SEPTIN10: variants seen among roughly 807,000 people sequenced by gnomAD.
SEPTIN10 encodes the protein septin 10, also known as septin-10.
In SEPTIN10, 66 loss-of-function variants were observed where a neutral mutation model predicts 54.8. The observed-to-expected ratio is 1.21, with a 90% CI of 0.99 to 1.48. SEPTIN10 has a LOEUF of 1.48. Ranked by LOEUF, SEPTIN10 falls within the 40% of genes most tolerant of loss-of-function variation. SEPTIN10 has a pLI of 0.00. For missense variants in SEPTIN10, 620 were observed against 545.6 expected (o/e 1.14, Z -1.36); for synonymous variants, 161 against 181.0 (o/e 0.89, Z 0.89).
intron 8 of SEPTIN10, among the ~76,000 whole-genome samples, chr2:109,559,754 C>T (rs1374141664): frequency 1.3e-5 from 2 of 152,120 alleles, no homozygotes. Context: ...GACATTCTTT[C>T]CCTGGACTAT....
Position 109,593,018 on chromosome 2 carries a change from A to G in SEPTIN10, c.99+33T>C, listed in dbSNP as rs749674579. 3 of 1,424,782 alleles carry G rather than the reference A, an allele frequency of 2.1e-6. No homozygotes were observed. In the South Asian group the frequency reaches 4.4e-5, roughly 21 times the overall value. The allele number at this position is 1,424,782 out of a possible 1,614,324, so 88.3% of individuals were successfully genotyped here. ...TTAAAATCATAGAAGCATTTAGAGT[A>G]CAATATGGTATCTATTTAAAAGACA... is the stretch of plus-strand genomic sequence containing the variant. On this transcript the variant is annotated intron_variant, in intron 2 of 10. Coordinates refer to ENST00000397712, the MANE Select transcript of SEPTIN10 (RefSeq NM_144710.5).
chr2:109,565,847 A>G lies in SEPTIN10; in HGVS notation c.775T>C (p.Phe259Leu), dbSNP rs199570779. 1.1e-4 allele frequency: 177 copies of G among 1,613,870 alleles called. No individual in the cohort carries two copies. Among genetic ancestry groups the G allele is most frequent in the Middle Eastern group, 4.9e-4 (3 of 6,080 alleles). The change falls in exon 7 of 11, where the codon TTT (phenylalanine) becomes CTT (leucine). Residue 259 changes from phenylalanine (F) to leucine (L), a missense_variant. Transcript: ENST00000397712. ...VNAAMNGQLP[F>L]AVVGSMDEVK... is the part of the protein sequence containing the mutation. ...TCATCCATACTTCCCACAACAGCAA[A>G]CGGCAACTGTCCCTGAAAAAGAATA...
At chr2:109,565,398 G>A (rs958555644) in intron 7 of SEPTIN10, among the ~76,000 whole-genome samples, 4 of 152,010 alleles carry the variant, frequency 2.6e-5, no homozygotes, top group Non-Finnish European at 4.4e-5. Flanking sequence ...GGAAATAGCC[G>A]GCAATACTTT....
chr2:109,562,215 A>T (rs905121368), intron 8 of SEPTIN10, among the ~76,000 whole-genome samples: 6 of 151,242 alleles, frequency 4.0e-5, no homozygotes, highest in South Asian at 2.1e-4. Flanking sequence ...TCTATCTCAA[A>T]AATAATAATA....
At chr2:109,564,612 A>AAAT in intron 7 of SEPTIN10, 78 bp from the exon 8 acceptor site, 1 of 1,228,428 alleles carries the variant, frequency 8.1e-7, no homozygotes. Flanking sequence ...CTGAATGAAC[A>AAAT]AATAAATGAA....
intron 1 of SEPTIN10, among the ~76,000 whole-genome samples, chr2:109,609,410 T>G (rs1265744286): frequency 6.6e-6 from 1 of 152,042 alleles, no homozygotes; most frequent in Non-Finnish European, 1.5e-5. Context: ...GTTTACTTGA[T>G]GCAAAAGGTT....
intron 2 of SEPTIN10, among the ~76,000 whole-genome samples, chr2:109,588,002 G>A (rs1287168001): frequency 6.6e-6 from 1 of 152,032 alleles, no homozygotes; most frequent in Non-Finnish European, 1.5e-5. Flanking sequence ...TGAGGTGGGA[G>A]GATCACTTAA....
chr2:109,577,466 G>A (rs1437168681), intron 4 of SEPTIN10, among the ~76,000 whole-genome samples: 1 of 151,794 alleles, frequency 6.6e-6, no homozygotes, highest in African/African-American at 2.4e-5. Context: ...GATGGCAGGT[G>A]CCTGTATCCC....
intron 1 of SEPTIN10, among the ~76,000 whole-genome samples, chr2:109,603,181 T>C (rs1414936782): frequency 1.3e-5 from 2 of 152,132 alleles, no homozygotes; most frequent in Non-Finnish European, 2.9e-5. Flanking sequence ...TATCAATGCT[T>C]ATTGTTTTTC....
rs763621366 is a variant in SEPTIN10 at position 109,543,594 on chromosome 2, T to C, written c.*715A>G. 2.6e-5 allele frequency: 4 copies of C among 152,202 alleles called. No individual in the cohort carries two copies. The highest frequency in any genetic ancestry group is 6.5e-5 in the Admixed American group (1 of 15,282). The allele number at this position is 152,202 out of a possible 1,614,324, so 9.4% of individuals were successfully genotyped here. ...CATATTCCCCAAAATTTTTAGCATA[T>C]ATAAAAAAGGTTCATCTTGGAATAT... On this transcript the variant is annotated 3_prime_UTR_variant, in exon 11 of 11. Transcript: ENST00000397712.
chr2:109,596,509 C>A (rs560340624), intron 1 of SEPTIN10, among the ~76,000 whole-genome samples: 2 of 151,312 alleles, frequency 1.3e-5, no homozygotes, highest in African/African-American at 4.9e-5. Context: ...CCCAGCTACT[C>A]GGGAGGCTGA....
At chr2:109,560,519 C>T (rs1407993560) in intron 8 of SEPTIN10, among the ~76,000 whole-genome samples, 2 of 152,310 alleles carry the variant, frequency 1.3e-5, no homozygotes, top group East Asian at 3.9e-4. Flanking sequence ...GCAGTCTTAT[C>T]CCTGGTCACA....
At chr2:109,576,710 T>C (rs1391067685) in intron 4 of SEPTIN10, among the ~76,000 whole-genome samples, 1 of 152,220 alleles carries the variant, frequency 6.6e-6, no homozygotes, top group Non-Finnish European at 1.5e-5. Flanking sequence ...CTGAATGTTT[T>C]GTCTTATGCT....
intron 4 of SEPTIN10, among the ~76,000 whole-genome samples, chr2:109,584,569 T>A (rs1470878269): frequency 1.3e-5 from 2 of 152,050 alleles, no homozygotes; most frequent in Admixed American, 6.6e-5. Context: ...CCTTTCATAG[T>A]TTAAATTTGA....
At position 109,581,501 on chromosome 2, in the gene SEPTIN10, T is replaced by C. The variant is rs567216195; in HGVS notation, c.413+3625A>G. Among the ~76,000 whole-genome samples, 292 of 151,572 alleles carry C rather than the reference T, an allele frequency of 1.9e-3. 1 individual carries two copies. The South Asian group carries it at 0.022, about 11-fold the overall frequency. On this transcript the variant is annotated intron_variant, in intron 4 of 10. Transcript: ENST00000397712. Reference sequence around the variant, plus strand: ...GTACAGTATATATTAATAAAGCTTATTTAAAAAGAACTAAAGAAAGGTCTG... The same window carrying C: ...GTACAGTATATATTAATAAAGCTTACTTAAAAAGAACTAAAGAAAGGTCTG...
intron 1 of SEPTIN10, among the ~76,000 whole-genome samples, chr2:109,599,204 C>T (rs1696009527): frequency 6.6e-6 from 1 of 151,922 alleles, no homozygotes; most frequent in African/African-American, 2.4e-5. Context: ...ACACCTGTAA[C>T]CCCAGCACTC....
At position 109,543,644 on chromosome 2, in the gene SEPTIN10, T is replaced by C. The variant is rs1423568098; in HGVS notation, c.*665A>G. ...TAAATGTAATCAGATAGCCACGATATTAATGGGTTCTGTATTTTCAGTGGC... is the reference window on the plus strand; with the variant it reads ...TAAATGTAATCAGATAGCCACGATACTAATGGGTTCTGTATTTTCAGTGGC... On this transcript the variant is annotated 3_prime_UTR_variant, in exon 11 of 11. Transcript: ENST00000397712. The C allele has an allele frequency of 6.6e-6, 1 of 152,340 alleles. No individual in the cohort carries two copies. Among genetic ancestry groups the C allele is most frequent in the Non-Finnish European group, 1.5e-5 (1 of 68,160 alleles). 9.4% of individuals were successfully genotyped at this position (152,340 alleles called of 1,614,324 possible). A position where few individuals can be genotyped will look rare whatever the true frequency, so the allele number is the denominator to read the frequency against.
At chr2:109,580,871 ACAGCGCCTGGC>A (rs1350679080) in intron 4 of SEPTIN10, among the ~76,000 whole-genome samples, 1 of 152,184 alleles carries the variant, frequency 6.6e-6, no homozygotes, top group Non-Finnish European at 1.5e-5. Flanking sequence ...CAAAGACAGC[ACAGCGCCTGGC>A]CATTCACTGA....
intron 1 of SEPTIN10, among the ~76,000 whole-genome samples, chr2:109,610,391 TC>T (rs1467337615): frequency 1.3e-5 from 2 of 151,692 alleles, no homozygotes; most frequent in Admixed American, 1.3e-4. Context: ...CCCAGCCACT[TC>T]CCTGAATTTT....
Sources: gnomAD v4.1 joint callset for allele counts (sites outside exome capture counted in the v4.1 genomes callset) on GRCh38, gnomAD v4.1.1 for gene constraint, MANE v1.5 for transcripts, NCBI Gene and HGNC (gene_info 2026-07-23, HGNC 2026-07-21) for gene names.